Variants in SMTN observed in about 807,000 individuals in gnomAD.
SMTN encodes the protein smoothelin.
Under a neutral mutation model 102.0 loss-of-function variants are expected in SMTN, and 58 were observed. The ratio of observed to expected loss-of-function variants is 0.57; its 90% CI spans 0.46 to 0.71. SMTN has a LOEUF of 0.71. Among genes scored for constraint, SMTN ranks in the 30% least tolerant of loss-of-function variants. The pLI is 0.00. For missense variants in SMTN, 1,185 were observed against 1,241.7 expected (o/e 0.95, Z 0.69); for synonymous variants, 478 against 497.9 (o/e 0.96, Z 0.53).
intron 1 of SMTN, chr22:31,082,656 C>A: frequency 1.6e-6 from 1 of 616,708 alleles, no homozygotes; most frequent in Non-Finnish European, 3.0e-6. Flanking sequence ...GAGCTGGCTC[C>A]AAGAATCGGA....
At chr22:31,080,215 C>T (rs1363845458), upstream of SMTN, among the ~76,000 whole-genome samples, 4 of 152,234 alleles carry the variant, frequency 2.6e-5, no homozygotes, top group East Asian at 5.8e-4. Flanking sequence ...AACCGGGGCT[C>T]TTCTGGGTTA....
At position 31,098,839 on chromosome 22, in the gene SMTN, G is replaced by C; in HGVS notation, c.2332G>C (p.Gly778Arg). 3 of 1,602,934 alleles carry C rather than the reference G, an allele frequency of 1.9e-6. No homozygotes were observed. The highest frequency in any genetic ancestry group is 2.5e-6 in the Non-Finnish European group (3 of 1,177,950). ...GAAGCTGGAGAAGGAGGGCGCGGCC[G>C]GGTGAGCTGCAGAAGTGGGCTGGGC... ...IEKLEKEGAA[G>R]SPGGPRAAVQ... Residue 778 changes from glycine to arginine, a missense_variant and splice_region_variant, in exon 17 of 21, where the codon GGC becomes CGC. Physicochemically the swap from Gly to Arg is moderately radical, Grantham distance 125 (BLOSUM62 -2). Around this residue, in one of 2 missense-constraint regions of SMTN, gnomAD observed 1,096 missense variants for 1,112.7 expected, o/e 0.98. Transcript: ENST00000333137.
At chr22:31,097,636 G>A (rs146474125) in intron 16 of SMTN, among the ~76,000 whole-genome samples, 5,900 of 151,956 alleles carry the variant, frequency 0.039, 126 homozygotes, top group East Asian at 0.042. Flanking sequence ...CCTGGGAGGC[G>A]GAGGTTGCAG....
At chr22:31,065,450 G>A (rs2041824098) in intron 1 of SMTN, 1 of 152,060 alleles carries the variant, frequency 6.6e-6, no homozygotes, top group African/African-American at 2.4e-5. Flanking sequence ...TTGGGTTCAA[G>A]CGATTCTCCT....
chr22:31,091,054 C>G lies in SMTN; in HGVS notation c.1031C>G (p.Ala344Gly), dbSNP rs1379610120. 1.2e-6 allele frequency: 2 copies of G among 1,614,060 alleles called. No homozygotes were observed. Among genetic ancestry groups the G allele is most frequent in the Non-Finnish European group, 1.7e-6 (2 of 1,179,976 alleles). The change falls in exon 10 of 21, where the codon GCT becomes GGT. Residue 344 changes from alanine to glycine, a missense_variant. Ala to Gly is a moderately conservative substitution (Grantham distance 60, BLOSUM62 0). Coordinates refer to ENST00000333137, the MANE Select transcript of SMTN (RefSeq NM_134269.3). ...VHKFTSDSPM[A>G]ARLQDGTPQA... is the part of the protein sequence containing the mutation. ...AAGTTCACATCTGATTCTCCTATGG[C>G]TGCTAGGCTCCAGGATGGCACACCC...
intron 1 of SMTN, among the ~76,000 whole-genome samples, chr22:31,068,950 C>T (rs2041930117): frequency 1.3e-5 from 2 of 152,084 alleles, no homozygotes; most frequent in Non-Finnish European, 2.9e-5. Flanking sequence ...TTGAAGAGCA[C>T]AGTCCCAGGG....
At chr22:31,080,555 G>A (rs1331394650), upstream of SMTN, 1 of 152,192 alleles carries the variant, frequency 6.6e-6, no homozygotes, top group Non-Finnish European at 1.5e-5. Context: ...TTGCCTTGTG[G>A]ATCTGACCTC....
At position 31,099,750 on chromosome 22, in the gene SMTN, C is replaced by G. The variant is rs569191249; in HGVS notation, c.2457C>G (p.Val819=). 5.6e-6 allele frequency: 9 copies of G among 1,613,922 alleles called. No individual in the cohort carries two copies. The East Asian group carries it at 2.0e-4, about 36-fold the overall frequency. Residue 819 remains valine, a synonymous_variant, in exon 19 of 21, where the codon GTC becomes GTG. Coordinates refer to ENST00000333137, the MANE Select transcript of SMTN (RefSeq NM_134269.3). The part of the protein sequence containing the change: ...CRAKTRGYEH[V]DIQNFSSSWS... ...AGTCCTCCTACGGCTTATAGCACGT[C>G]GACATCCAGAACTTCTCCTCCAGCT...
At position 31,096,786 on chromosome 22, in the gene SMTN, G is replaced by A; in HGVS notation, c.1915G>A (p.Gly639Arg). Reference protein sequence around the residue: ...RRLQEARGRPGEGRGNTATET... With the variant: ...RRLQEARGRPREGRGNTATET... ...GCTGCAGGAGGCACGGGGCCGGCCA[G>A]GGGAGGGGCGCGGCAACACAGCCAC... The change falls in exon 14 of 21, where the codon GGG (glycine) becomes AGG (arginine). Residue 639 changes from glycine (G) to arginine (R), a missense_variant. Gly to Arg is a moderately radical substitution (Grantham distance 125). Coordinates refer to ENST00000333137, the MANE Select transcript of SMTN (RefSeq NM_134269.3). 1 of 1,566,868 alleles carries A rather than the reference G, an allele frequency of 6.4e-7. No individual in the cohort carries two copies. The highest frequency in any genetic ancestry group is 8.6e-7 in the Non-Finnish European group (1 of 1,157,684).
chr22:31,085,940 C>G (rs998356761), intron 2 of SMTN, among the ~76,000 whole-genome samples: 1 of 152,220 alleles, frequency 6.6e-6, no homozygotes, highest in Non-Finnish European at 1.5e-5. Context: ...GACAAGGACC[C>G]CATCTCCGAG....
rs767982348 is a variant in SMTN, at chr22:31,091,488, C to T, written c.1459+6C>T. The T allele has an allele frequency of 2.8e-5, 42 of 1,518,200 alleles. No homozygotes were observed. The highest frequency in any genetic ancestry group is 3.3e-5 in the Non-Finnish European group (38 of 1,136,838). The allele number at this position is 1,518,200 out of a possible 1,614,324, so 94.0% of individuals were successfully genotyped here. ...CACAGGCAACCAGAGGGCAGGTAGG[C>T]GCCCCCCACTGCCTCCCCAATGGGG... On this transcript the variant is annotated splice_donor_region_variant and intron_variant, in intron 10 of 20. Coordinates refer to ENST00000333137, the MANE Select transcript of SMTN (RefSeq NM_134269.3).
At chr22:31,070,086 G>A (rs1484896620) in intron 1 of SMTN, among the ~76,000 whole-genome samples, 1 of 152,094 alleles carries the variant, frequency 6.6e-6, no homozygotes, top group Non-Finnish European at 1.5e-5. Flanking sequence ...CCAGGTGTGG[G>A]GTAGTGAGGA....
At chr22:31,072,231 A>C (rs554819912) in intron 1 of SMTN, among the ~76,000 whole-genome samples, 1 of 152,064 alleles carries the variant, frequency 6.6e-6, no homozygotes, top group Non-Finnish European at 1.5e-5. Flanking sequence ...CCAACCTTAT[A>C]AGGTTGGAAG....
At chr22:31,088,353 G>A (rs1025196802) in intron 3 of SMTN, 160 bp from the exon 4 acceptor site, 60 of 770,952 alleles carry the variant, frequency 7.8e-5, no homozygotes, top group East Asian at 1.2e-4. Context: ...TAGTGCCCAC[G>A]TCCATGGGCA....
intron 6 of SMTN, 110 bp from the exon 7 acceptor site, chr22:31,089,589 C>T (rs764778719): frequency 1.0e-6 from 1 of 1,001,386 alleles, no homozygotes; most frequent in Admixed American, 2.0e-5. Context: ...CATGCCCCAC[C>T]ACTCTGCTTT....
Position 31,091,489 on chromosome 22 carries a change from G to C in SMTN, c.1459+7G>C. 1 of 1,517,464 alleles carries C rather than the reference G, an allele frequency of 6.6e-7. No individual in the cohort carries two copies. The allele number at this position is 1,517,464 out of a possible 1,614,324, so 94.0% of individuals were successfully genotyped here. On this transcript the variant is annotated splice_region_variant and intron_variant, in intron 10 of 20. Coordinates refer to ENST00000333137, the MANE Select transcript of SMTN (RefSeq NM_134269.3). ...ACAGGCAACCAGAGGGCAGGTAGGC[G>C]CCCCCCACTGCCTCCCCAATGGGGA...
intron 20 of SMTN, 34 bp downstream of exon 20, chr22:31,101,083 T>G: frequency 6.4e-7 from 1 of 1,557,186 alleles, no homozygotes; most frequent in Non-Finnish European, 8.7e-7. Flanking sequence ...CTGCCCCGTT[T>G]CACCAGAATC....
chr22:31,104,199 T>A, intron 20 of SMTN, 117 bp from the exon 21 acceptor site: 1 of 1,225,756 alleles, frequency 8.2e-7, no homozygotes, highest in South Asian at 1.4e-5. Context: ...CTTTTCCCTG[T>A]CTGGAGTTTA....
At chr22:31,081,297 C>A (rs1008068267), upstream of SMTN, 3 of 152,264 alleles carry the variant, frequency 2.0e-5, no homozygotes, top group African/African-American at 7.2e-5. Context: ...GCTGCTGGCG[C>A]GGCTGGACGG....
Sources: allele counts gnomAD v4.1 joint callset (sites outside exome capture counted in the v4.1 genomes callset), GRCh38; gene constraint gnomAD v4.1.1; regional missense constraint gnomAD v4.1.1; transcripts MANE v1.5; gene names NCBI Gene and HGNC (gene_info 2026-07-23, HGNC 2026-07-21).